The following RP1 variants were observed in gnomAD, a reference collection of about 807,000 sequenced individuals.
The protein encoded by RP1 is oxygen-regulated protein 1.
In RP1, 16 loss-of-function variants were observed where a neutral mutation model predicts 14.8. That is an observed-to-expected ratio of 1.08 (90% CI 0.73 to 1.65). The LOEUF is 1.65. RP1 is among the 40% of genes most tolerant of loss of function. RP1 has a pLI of 0.00. For synonymous variants in RP1, 876 were observed against 883.6 expected (o/e 0.99, Z 0.15); for missense variants, 2,631 against 2,535.0 (o/e 1.04, Z -0.81).
At chr8:54,777,067 T>C (rs1485602023) in intron 23 of RP1, among the ~76,000 whole-genome samples, 1 of 152,232 alleles carries the variant, frequency 6.6e-6, no homozygotes, top group Non-Finnish European at 1.5e-5. Context: ...ACTGTATTTC[T>C]TTGTGCCTCG....
At chr8:54,791,388 A>G (rs1158113971) in intron 24 of RP1, among the ~76,000 whole-genome samples, 2 of 152,138 alleles carry the variant, frequency 1.3e-5, no homozygotes, top group African/African-American at 4.8e-5. Context: ...ACAACCTAAA[A>G]TATATGAATA....
chr8:54,809,088 C>G (rs1225280252), intron 24 of RP1, among the ~76,000 whole-genome samples: 1 of 152,144 alleles, frequency 6.6e-6, no homozygotes, highest in Non-Finnish European at 1.5e-5. Context: ...TGTTCCTTAA[C>G]AATTTAGCTA....
downstream of RP1, among the ~76,000 whole-genome samples, chr8:54,770,531 C>A (rs1471454747): frequency 6.7e-6 from 1 of 149,842 alleles, no homozygotes; most frequent in African/African-American, 2.4e-5. Flanking sequence ...AGTGTGGTTA[C>A]TTTTTGTGAC....
Position 54,625,884 on chromosome 8 carries a change from G to C in RP1, c.2002G>C (p.Val668Leu), listed in dbSNP as rs1806029936. The C allele has an allele frequency of 7.4e-6, 12 of 1,613,806 alleles. No homozygotes were observed. The highest frequency in any genetic ancestry group is 1.1e-5 in the South Asian group (1 of 91,044). ...AAATGAAAAGAAGATTTTGTCATCT[G>C]TTGCCAGCAAAAAGAAGAAAAAATC... ...PKNEKKILSS[V>L]ASKKKKKSRQ... Residue 668 changes from valine (V) to leucine (L), a missense_variant, in exon 4 of 4, where the codon GTT becomes CTT. By Grantham distance (32) the Val-to-Leu change is conservative. Transcript: ENST00000220676.
rs1811693674 is a variant in RP1, at chr8:54,837,687, C to A, written c.3835+18C>A. On this transcript the variant is annotated intron_variant, in intron 25 of 28. Coordinates refer to the RP1 transcript ENST00000637698. Reference sequence around the variant, plus strand: ...TTTGCCAGGTATATAATTTCATTTCCTTTGTGATGTGTATTGAAAATTAAA... The same window carrying A: ...TTTGCCAGGTATATAATTTCATTTCATTTGTGATGTGTATTGAAAATTAAA... 6 of 1,184,772 alleles carry A rather than the reference C, an allele frequency of 5.1e-6. No individual in the cohort carries two copies. The South Asian group carries it at 2.6e-4, about 51-fold the overall frequency. 73.4% of individuals were successfully genotyped at this position (1,184,772 alleles called of 1,614,324 possible). A position where few individuals can be genotyped will look rare whatever the true frequency, so the allele number is the denominator to read the frequency against.
In RP1 at chr8:54,708,071, T is replaced by C. The variant is rs145848385; in HGVS notation, c.2211+1416T>C. ...GGAGGAAATCAGTAAGTAGCCTTCC[T>C]ATCCTCAACATTCACAAGTTATACA... On this transcript the variant is annotated intron_variant, in intron 15 of 22. Transcript: ENST00000636932. 4.8e-3 allele frequency among the ~76,000 whole-genome samples: 738 copies of C among 152,350 alleles called. 4 individuals carry two copies. Among genetic ancestry groups the C allele is most frequent in the Non-Finnish European group, 8.0e-3 (546 of 68,032 alleles).
chr8:54,850,840 C>G (rs759624002), intron 25 of RP1, among the ~76,000 whole-genome samples: 2 of 152,110 alleles, frequency 1.3e-5, no homozygotes, highest in Admixed American at 6.6e-5. Flanking sequence ...ATAATGAACA[C>G]GAAGTCAATG....
rs1394277208 is a variant in RP1, at chr8:54,625,466, GTCA to G, written c.1589_1591del (p.Ser530del). ...TCAATAACAATGATCAAATGGAGGA[GTCA>G]TCATTAGAAAGAAAAAAGGAAAACA... On this transcript the variant is annotated inframe_deletion, in exon 4 of 4. Coordinates refer to ENST00000220676, the MANE Select transcript of RP1 (RefSeq NM_006269.2). 1 of 1,613,912 alleles carries G rather than the reference GTCA, an allele frequency of 6.2e-7. No individual in the cohort carries two copies. Among genetic ancestry groups the G allele is most frequent in the Non-Finnish European group, 8.5e-7 (1 of 1,180,004 alleles).
At chr8:54,795,401 C>A (rs993889890) in intron 24 of RP1, among the ~76,000 whole-genome samples, 2 of 151,998 alleles carry the variant, frequency 1.3e-5, no homozygotes, top group African/African-American at 4.8e-5. Context: ...AATACAGGTG[C>A]AGAATATACT....
intron 1 of RP1, among the ~76,000 whole-genome samples, chr8:54,607,808 T>C (rs949360902): frequency 6.6e-6 from 1 of 152,202 alleles, no homozygotes; most frequent in Non-Finnish European, 1.5e-5. Context: ...GTGCTAGCAA[T>C]GAGCGAGGCT....
intron 3 of RP1, among the ~76,000 whole-genome samples, chr8:54,637,292 G>C (rs1208261360): frequency 1.3e-5 from 2 of 152,148 alleles, no homozygotes; most frequent in African/African-American, 4.8e-5. Context: ...TAGGAAAGGG[G>C]TCCACAGTGA....
In RP1 at chr8:54,627,932, C is replaced by G; in HGVS notation, c.4050C>G (p.Asn1350Lys). 2 of 1,614,088 alleles carry G rather than the reference C, an allele frequency of 1.2e-6. No homozygotes were observed. The highest frequency in any genetic ancestry group is 1.7e-6 in the Non-Finnish European group (2 of 1,179,962). ...NTIDFLNSKENTYTDNLDSTE... is the reference protein window; with the variant it reads ...NTIDFLNSKEKTYTDNLDSTE... ...TTGACTTTTTAAACTCCAAAGAAAA[C>G]ACATATACTGATAACTTGGATTCAA... Residue 1350 changes from asparagine (N) to lysine (K), a missense_variant, in exon 4 of 4, where the codon AAC becomes AAG. Transcript: ENST00000220676.
intron 9 of RP1, chr8:54,679,367 G>A (rs1807370450): frequency 2.8e-6 from 4 of 1,439,162 alleles, no homozygotes; most frequent in Non-Finnish European, 2.8e-6. Context: ...AATTGCCAAT[G>A]GTTAATGTAA....
intron 1 of RP1, among the ~76,000 whole-genome samples, chr8:54,580,534 T>A (rs889179027): frequency 2.0e-5 from 3 of 151,652 alleles, no homozygotes; most frequent in African/African-American, 7.3e-5. Flanking sequence ...CTCAATCTCT[T>A]GACCTCGTGA....
chr8:54,796,976 AT>A (rs745483068), intron 24 of RP1, among the ~76,000 whole-genome samples: 2 of 152,206 alleles, frequency 1.3e-5, no homozygotes, highest in Non-Finnish European at 2.9e-5. Flanking sequence ...AGAATCTATC[AT>A]GGGGTGAAGA....
At chr8:54,612,061 G>A (rs375892372), upstream of RP1, among the ~76,000 whole-genome samples, 20 of 152,056 alleles carry the variant, frequency 1.3e-4, no homozygotes, top group African/African-American at 3.6e-4. Flanking sequence ...TAAACTCCCC[G>A]GTATAATGCG....
chr8:54,815,631 T>A (rs941068341), intron 24 of RP1, among the ~76,000 whole-genome samples: 6 of 152,320 alleles, frequency 3.9e-5, no homozygotes, highest in Non-Finnish European at 8.8e-5. Flanking sequence ...TTGGATAGCA[T>A]CAGAAGCTTC....
chr8:54,630,365 G>A lies in RP1; in HGVS notation c.*12G>A. 1 of 1,613,020 alleles carries A rather than the reference G, an allele frequency of 6.2e-7. No homozygotes were observed. The highest frequency in any genetic ancestry group is 8.5e-7 in the Non-Finnish European group (1 of 1,179,504). On this transcript the variant is annotated 3_prime_UTR_variant, in exon 4 of 4. Transcript: ENST00000220676. ...AAGAAGATTTATAATTTCAATATCA[G>A]CACACTCATTCTTTGTCAATTCATT... is the stretch of plus-strand genomic sequence containing the variant.
intron 25 of RP1, among the ~76,000 whole-genome samples, chr8:54,848,292 G>C (rs563807539): frequency 3.3e-5 from 5 of 152,288 alleles, no homozygotes; most frequent in South Asian, 4.1e-4. Flanking sequence ...AGGCTTGTGG[G>C]CTCCTTGGCT....
Sources: gnomAD v4.1 joint callset for allele counts (sites outside exome capture counted in the v4.1 genomes callset) on GRCh38, gnomAD v4.1.1 for gene constraint, MANE v1.5 for transcripts, NCBI Gene and HGNC (gene_info 2026-07-23, HGNC 2026-07-21) for gene names.